SPATA17: variants seen among roughly 807,000 people sequenced by gnomAD.
SPATA17 encodes the protein spermatogenesis associated 17.
A neutral mutation model predicts 62.2 loss-of-function variants in SPATA17; 53 were observed. The observed-to-expected ratio is 0.85, with a 90% CI of 0.68 to 1.07. The LOEUF is 1.07. Among genes scored for constraint, SPATA17 ranks in the 50% least tolerant of loss-of-function variants. The pLI is 0.00. For synonymous variants in SPATA17, 146 were observed against 146.8 expected, an observed-to-expected ratio of 0.99 and a Z score of 0.04; for missense variants, 466 against 425.5, an observed-to-expected ratio of 1.10 and a Z score of -0.84.
intron 5 of SPATA17, among the ~76,000 whole-genome samples, chr1:217,685,964 T>C (rs564070818): frequency 5.9e-5 from 9 of 152,310 alleles, no homozygotes; most frequent in African/African-American, 2.2e-4. Context: ...TGCTAATCTC[T>C]TACTGTGCCT....
chr1:217,705,767 A>G (rs539354667), intron 5 of SPATA17, among the ~76,000 whole-genome samples: 1 of 152,114 alleles, frequency 6.6e-6, no homozygotes, highest in African/African-American at 2.4e-5. Flanking sequence ...TTTGTTGCAA[A>G]TGGTTTTGTT....
rs1257332926 is a variant in SPATA17 at position 217,651,215 on chromosome 1, G to A, written c.240+37G>A. ...ATGTACATATGTTAGCATTTGAATT[G>A]TACAATATGCTGTAACTTACTCACT... is the stretch of plus-strand genomic sequence containing the variant. On this transcript the variant is annotated intron_variant, in intron 3 of 10. Coordinates refer to ENST00000366933, the MANE Select transcript of SPATA17 (RefSeq NM_138796.4). 3 of 1,456,286 alleles carry A rather than the reference G, an allele frequency of 2.1e-6. No individual in the cohort carries two copies. In the East Asian group the frequency reaches 7.0e-5, roughly 34 times the overall value. The allele number at this position is 1,456,286 out of a possible 1,614,324, so 90.2% of individuals were successfully genotyped here.
intron 1 of SPATA17, among the ~76,000 whole-genome samples, chr1:217,645,647 T>G (rs1670164175): frequency 6.6e-6 from 1 of 152,214 alleles, no homozygotes; most frequent in African/African-American, 2.4e-5. Flanking sequence ...TTAGCTTTAT[T>G]GAATGAAATT....
intron 4 of SPATA17, among the ~76,000 whole-genome samples, chr1:217,673,605 C>G (rs1342606204): frequency 6.6e-6 from 1 of 152,116 alleles, no homozygotes; most frequent in Non-Finnish European, 1.5e-5. Context: ...TGAGCTGATT[C>G]AGTTGCACAA....
intron 7 of SPATA17, among the ~76,000 whole-genome samples, chr1:217,777,433 G>A (rs548938555): frequency 1.8e-4 from 28 of 151,802 alleles, no homozygotes; most frequent in Non-Finnish European, 3.7e-4. Flanking sequence ...ATGGTGTCTC[G>A]CTGTGTTGCC....
At chr1:217,748,333 C>T (rs908034369) in intron 6 of SPATA17, among the ~76,000 whole-genome samples, 8 of 150,162 alleles carry the variant, frequency 5.3e-5, no homozygotes, top group Admixed American at 2.7e-4. Context: ...ACTTGACATA[C>T]CCATAATTAA....
intron 2 of SPATA17, among the ~76,000 whole-genome samples, chr1:217,649,430 G>GA (rs1354468107): frequency 6.6e-6 from 1 of 152,176 alleles, no homozygotes; most frequent in African/African-American, 2.4e-5. Context: ...AGTGAGCTGA[G>GA]AAGGTGCCAC....
chr1:217,725,363 T>C (rs2102937223), intron 5 of SPATA17, among the ~76,000 whole-genome samples: 1 of 152,354 alleles, frequency 6.6e-6, no homozygotes, highest in East Asian at 1.9e-4. Flanking sequence ...TACTTTTTTT[T>C]CCAAAAAATA....
intron 4 of SPATA17, among the ~76,000 whole-genome samples, chr1:217,669,367 A>G (rs866417781): frequency 3.3e-5 from 5 of 152,222 alleles, no homozygotes; most frequent in African/African-American, 1.2e-4. Flanking sequence ...GCAATGTATT[A>G]GTTTCCATAT....
chr1:217,829,055 A>G (rs892560440), intron 9 of SPATA17, among the ~76,000 whole-genome samples: 1 of 152,186 alleles, frequency 6.6e-6, no homozygotes, highest in African/African-American at 2.4e-5. Context: ...AATTAAAAAT[A>G]GAACTACCAT....
In SPATA17 at chr1:217,688,095, C is replaced by T. The variant is rs189870941; in HGVS notation, c.395+4734C>T. ...TTTAAAACCGGAGGGCCAGGCACAG[C>T]GGTGCATGCCTGTAGTCCCAACTAC... On this transcript the variant is annotated intron_variant, in intron 5 of 10. Coordinates refer to ENST00000366933, the MANE Select transcript of SPATA17 (RefSeq NM_138796.4). 3.5e-3 allele frequency among the ~76,000 whole-genome samples: 528 copies of T among 152,202 alleles called. 2 individuals carry two copies. The highest frequency in any genetic ancestry group is 6.1e-3 in the Non-Finnish European group (412 of 68,018).
intron 9 of SPATA17, among the ~76,000 whole-genome samples, chr1:217,814,179 G>T (rs1674661186): frequency 6.6e-6 from 1 of 152,128 alleles, no homozygotes; most frequent in South Asian, 2.1e-4. Context: ...ATTTGCATTT[G>T]ATTCTAAAAT....
intron 9 of SPATA17, among the ~76,000 whole-genome samples, chr1:217,820,453 GA>G (rs1487799725): frequency 6.6e-6 from 1 of 151,886 alleles, no homozygotes; most frequent in Non-Finnish European, 1.5e-5. Context: ...GAAGTATTAA[GA>G]ATGCAGATAA....
rs181299338 is a variant in SPATA17, at chr1:217,835,951, C to T, written c.1006-26823C>T. 7.4e-4 allele frequency among the ~76,000 whole-genome samples: 113 copies of T among 152,160 alleles called. 1 individual carries two copies. The highest frequency in any genetic ancestry group is 3.1e-3 in the Admixed American group (48 of 15,264). ...GCCTCTCCTGTTTCCCCACCCAGAGCGATTCAGCTCACTGGAGGATCATTT... is the reference window on the plus strand; with the variant it reads ...GCCTCTCCTGTTTCCCCACCCAGAGTGATTCAGCTCACTGGAGGATCATTT... On this transcript the variant is annotated intron_variant, in intron 9 of 10. Coordinates refer to ENST00000366933, the MANE Select transcript of SPATA17 (RefSeq NM_138796.4).
At chr1:217,831,416 A>C (rs1458095844) in intron 9 of SPATA17, among the ~76,000 whole-genome samples, 1 of 152,102 alleles carries the variant, frequency 6.6e-6, no homozygotes, top group East Asian at 1.9e-4. Context: ...GGTCTCTTCT[A>C]AATTCCTTGC....
chr1:217,759,681 C>A (rs1440103347), intron 6 of SPATA17, among the ~76,000 whole-genome samples: 1 of 151,950 alleles, frequency 6.6e-6, no homozygotes, highest in Non-Finnish European at 1.5e-5. Context: ...TTCATATAGA[C>A]GGAATAGGGG....
chr1:217,641,336 A>T (rs989440269), intron 1 of SPATA17, among the ~76,000 whole-genome samples: 1 of 152,146 alleles, frequency 6.6e-6, no homozygotes, highest in South Asian at 2.1e-4. Flanking sequence ...TGTAACATTC[A>T]TAGCGTCTAG....
chr1:217,794,623 G>T (rs1465376633), intron 8 of SPATA17, among the ~76,000 whole-genome samples: 1 of 152,090 alleles, frequency 6.6e-6, no homozygotes, highest in African/African-American at 2.4e-5. Flanking sequence ...AGATTTTACC[G>T]CTTATAGCAA....
At chr1:217,781,790 A>T (rs1489896636) in intron 7 of SPATA17, among the ~76,000 whole-genome samples, 1 of 152,092 alleles carries the variant, frequency 6.6e-6, no homozygotes, top group African/African-American at 2.4e-5. Context: ...TATGCTTAGA[A>T]TTTTTTCCTA....
Sources: allele counts gnomAD v4.1 joint callset (sites outside exome capture counted in the v4.1 genomes callset), GRCh38; gene constraint gnomAD v4.1.1; transcripts MANE v1.5; gene names NCBI Gene and HGNC (gene_info 2026-07-23, HGNC 2026-07-21).